Variants in XRN2 observed in about 807,000 individuals in gnomAD.
XRN2 encodes the protein 5'-3' exoribonuclease 2.
A neutral mutation model predicts 138.5 loss-of-function variants in XRN2; 44 were observed. That is an observed-to-expected ratio of 0.32 (90% CI 0.25 to 0.41). XRN2 has a LOEUF of 0.41. XRN2 is among the 10% of genes least tolerant of loss of function. The probability of loss-of-function intolerance (pLI) is 1.00; values close to 1 mark genes in which losing one functional copy is unlikely to be tolerated. For missense variants in XRN2, 937 were observed against 1,169.3 expected, an observed-to-expected ratio of 0.80 and a Z score of 2.90; for synonymous variants, 354 against 369.4, an observed-to-expected ratio of 0.96 and a Z score of 0.48.
At chr20:21,319,915 A>C (rs897998570) in intron 1 of XRN2, among the ~76,000 whole-genome samples, 1 of 152,196 alleles carries the variant, frequency 6.6e-6, no homozygotes, top group African/African-American at 2.4e-5. Context: ...ACTATGTAAT[A>C]TTTATACAAT....
At chr20:21,326,242 A>C (rs773357284) in intron 1 of XRN2, 37 bp from the exon 2 acceptor site, 2 of 1,599,234 alleles carry the variant, frequency 1.3e-6, no homozygotes, top group Non-Finnish European at 1.7e-6. Flanking sequence ...TTTAGACTTG[A>C]ACAATCAAAC....
chr20:21,356,539 A>G (rs778796448), intron 22 of XRN2, 47 bp from the exon 23 acceptor site: 3 of 1,555,982 alleles, frequency 1.9e-6, no homozygotes, highest in Non-Finnish European at 1.8e-6. Flanking sequence ...CTTGAGTCCC[A>G]GTTTTCCATT....
intron 17 of XRN2, among the ~76,000 whole-genome samples, chr20:21,346,779 C>T (rs1018856433): frequency 5.3e-5 from 8 of 151,914 alleles, no homozygotes; most frequent in African/African-American, 9.7e-5. Flanking sequence ...CCACCACACC[C>T]GGCTAATTTT....
At chr20:21,349,075 A>G (rs1039431338) in intron 19 of XRN2, among the ~76,000 whole-genome samples, 9 of 152,230 alleles carry the variant, frequency 5.9e-5, no homozygotes, top group African/African-American at 2.2e-4. Flanking sequence ...TATGCTAGCT[A>G]GAAAGAGTGA....
intron 27 of XRN2, among the ~76,000 whole-genome samples, chr20:21,376,990 A>G (rs2038829772): frequency 6.6e-6 from 1 of 152,134 alleles, no homozygotes; most frequent in Admixed American, 6.5e-5. Context: ...AAAGAGTTGA[A>G]TAGATTGATG....
chr20:21,370,946 C>G (rs932068415), intron 27 of XRN2, among the ~76,000 whole-genome samples: 3 of 152,080 alleles, frequency 2.0e-5, no homozygotes, highest in African/African-American at 7.2e-5. Context: ...GCCACAAGGG[C>G]AGCATGGGGG....
rs202025445 is a variant in XRN2 at position 21,357,450 on chromosome 20, C to CT, written c.2199-283dup. 5.6e-4 allele frequency among the ~76,000 whole-genome samples: 85 copies of CT among 152,242 alleles called. 2 individuals carry two copies. In the East Asian group the frequency reaches 0.016, roughly 29 times the overall value. On this transcript the variant is annotated intron_variant, in intron 23 of 29. Transcript: ENST00000377191. ...ACGTTTTGGCAAACCCTTGTCACAG[C>CT]TTTAATTTCTGTCAGTCTGGTGGAT...
intron 27 of XRN2, among the ~76,000 whole-genome samples, chr20:21,369,737 T>C (rs1333497427): frequency 2.0e-5 from 3 of 152,194 alleles, no homozygotes; most frequent in Admixed American, 6.5e-5. Context: ...TCCTATAGAG[T>C]TGTTTGAGCT....
intron 13 of XRN2, among the ~76,000 whole-genome samples, chr20:21,336,118 A>C (rs1016721702): frequency 2.0e-5 from 3 of 152,206 alleles, no homozygotes; most frequent in Non-Finnish European, 4.4e-5. Context: ...CCTTAGAGAT[A>C]GGCATTTAAC....
In XRN2 at chr20:21,339,181, G is replaced by A. The variant is rs1195531177; in HGVS notation, c.1278+93G>A. 5 of 1,297,508 alleles carry A rather than the reference G, an allele frequency of 3.9e-6. No individual in the cohort carries two copies. In the East Asian group the frequency reaches 9.5e-5, roughly 25 times the overall value. 80.4% of individuals were successfully genotyped at this position (1,297,508 alleles called of 1,614,324 possible). A position where few individuals can be genotyped will look rare whatever the true frequency, so the allele number is the denominator to read the frequency against. On this transcript the variant is annotated intron_variant, in intron 14 of 29. Transcript: ENST00000377191. Reference sequence around the variant, plus strand: ...TTACAGTAGCTTTATTCCTTGTCCAGTAGGACTTAGTCAGGGACGTAAGTG... The same window carrying A: ...TTACAGTAGCTTTATTCCTTGTCCAATAGGACTTAGTCAGGGACGTAAGTG...
intron 1 of XRN2, among the ~76,000 whole-genome samples, chr20:21,308,978 C>A (rs1438737344): frequency 3.9e-5 from 6 of 152,106 alleles, no homozygotes; most frequent in Non-Finnish European, 8.8e-5. Context: ...GGTGAATTAT[C>A]GGTCTTTAAA....
intron 28 of XRN2, among the ~76,000 whole-genome samples, chr20:21,386,216 C>A (rs2038934998): frequency 5.3e-5 from 8 of 152,218 alleles, no homozygotes; most frequent in Admixed American, 5.2e-4. Context: ...AATCTGTGTT[C>A]CCATGTAAAC....
intron 19 of XRN2, among the ~76,000 whole-genome samples, 158 bp from the exon 20 acceptor site, chr20:21,349,231 A>T (rs759824839): frequency 2.0e-5 from 3 of 152,196 alleles, no homozygotes; most frequent in Non-Finnish European, 4.4e-5. Flanking sequence ...GTTTTACTAT[A>T]CTTGGGATTA....
At chr20:21,303,870 G>T in intron 1 of XRN2, 2 of 985,060 alleles carry the variant, frequency 2.0e-6, no homozygotes, top group Non-Finnish European at 2.4e-6. Flanking sequence ...AGCGGGTTAT[G>T]GATGCACGGA....
In XRN2 at chr20:21,332,408, T is replaced by G. The variant is rs756877390; in HGVS notation, c.826T>G (p.Cys276Gly). 6.2e-7 allele frequency: 1 copy of G among 1,612,170 alleles called. No individual in the cohort carries two copies. The highest frequency in any genetic ancestry group is 8.5e-7 in the Non-Finnish European group (1 of 1,179,016). Residue 276 changes from cysteine (C) to glycine (G), a missense_variant, in exon 9 of 30, where the codon TGT becomes GGT. By Grantham distance (159) the Cys-to-Gly change is radical. Transcript: ENST00000377191. ...CNQFGHEVKD[C>G]EGLPREKKGK... ...TCAGTTTGGACATGAGGTCAAAGAT[T>G]GTGAAGGTTTGCCAAGAGAAAAGAA...
At chr20:21,387,335 C>T (rs903634517) in intron 29 of XRN2, among the ~76,000 whole-genome samples, 5 of 151,884 alleles carry the variant, frequency 3.3e-5, no homozygotes, top group African/African-American at 4.9e-5. Context: ...GAACCTAGAT[C>T]CCTCTTAATG....
intron 15 of XRN2, among the ~76,000 whole-genome samples, chr20:21,341,306 G>C (rs1030282095): frequency 6.6e-6 from 1 of 152,202 alleles, no homozygotes; most frequent in Admixed American, 6.5e-5. Context: ...CTTTCCTTCA[G>C]TGGGCAGTTG....
intron 24 of XRN2, 141 bp from the exon 25 acceptor site, chr20:21,365,279 GA>G (rs1176194974): frequency 2.3e-5 from 16 of 705,010 alleles, no homozygotes; most frequent in African/African-American, 2.2e-4. Flanking sequence ...GTTTGGTGAG[GA>G]AGACATTTAG....
chr20:21,329,241 T>C (rs1017189421), intron 4 of XRN2, among the ~76,000 whole-genome samples: 2 of 152,190 alleles, frequency 1.3e-5, no homozygotes, highest in African/African-American at 4.8e-5. Flanking sequence ...TCTTCATTTT[T>C]GCAGTTCCCC....
Sources: allele counts gnomAD v4.1 joint callset (sites outside exome capture counted in the v4.1 genomes callset), GRCh38; gene constraint gnomAD v4.1.1; transcripts MANE v1.5; gene names NCBI Gene and HGNC (gene_info 2026-07-23, HGNC 2026-07-21).